Variants in KLHDC2 observed in about 807,000 individuals in gnomAD.
KLHDC2 encodes the protein kelch domain containing 2, also known as kelch domain-containing protein 2.
A neutral mutation model predicts 62.3 loss-of-function variants in KLHDC2; 38 were observed. The ratio of observed to expected loss-of-function variants is 0.61; its 90% CI spans 0.47 to 0.80. KLHDC2 has a LOEUF of 0.80. Ranked by LOEUF, KLHDC2 falls within the 30% of genes least tolerant of loss-of-function variation. The pLI, the probability that KLHDC2 is intolerant of heterozygous loss-of-function variation, is 0.00. For missense variants in KLHDC2, 430 were observed against 495.3 expected, an observed-to-expected ratio of 0.87 and a Z score of 1.25; for synonymous variants, 159 against 161.0, an observed-to-expected ratio of 0.99 and a Z score of 0.09.
intron 10 of KLHDC2, among the ~76,000 whole-genome samples, chr14:49,781,696 C>CT (rs929787973): frequency 2.6e-4 from 38 of 148,700 alleles, no homozygotes; most frequent in African/African-American, 7.7e-4. Context: ...GACTCTGTCT[C>CT]TTAAAAAAAA....
intron 10 of KLHDC2, among the ~76,000 whole-genome samples, 186 bp downstream of exon 10, chr14:49,780,961 G>A (rs1889884976): frequency 6.6e-6 from 1 of 152,338 alleles, no homozygotes; most frequent in South Asian, 2.1e-4. Context: ...ATCTGTGCAT[G>A]AAGAGTAGGG....
chr14:49,778,645 A>G (rs952682466), intron 6 of KLHDC2, 151 bp downstream of exon 6: 24 of 569,502 alleles, frequency 4.2e-5, no homozygotes, highest in African/African-American at 1.5e-4. Context: ...AACTTTAATG[A>G]TTTCCAAGGA....
chr14:49,768,563 G>A lies in KLHDC2; in HGVS notation c.95G>A (p.Arg32His). The A allele has an allele frequency of 6.2e-7, 1 of 1,607,480 alleles. No individual in the cohort carries two copies. The highest frequency in any genetic ancestry group is 8.5e-7 in the Non-Finnish European group (1 of 1,177,684). ...ESMELACPAERSGHVAVSDGR... is the reference protein window; with the variant it reads ...ESMELACPAEHSGHVAVSDGR... Reference sequence around the variant, plus strand: ...ATGGAGCTTGCCTGCCCCGCTGAGCGCAGCGGCCACGTAGCCGTCAGCGAC... The same window carrying A: ...ATGGAGCTTGCCTGCCCCGCTGAGCACAGCGGCCACGTAGCCGTCAGCGAC... Residue 32 changes from arginine to histidine, a missense_variant, in exon 1 of 13, where the codon CGC (arginine) becomes CAC (histidine). Coordinates refer to ENST00000298307, the MANE Select transcript of KLHDC2 (RefSeq NM_014315.3).
chr14:49,780,633 A>C (rs952477072), intron 9 of KLHDC2, 70 bp from the exon 10 acceptor site: 10 of 1,053,136 alleles, frequency 9.5e-6, no homozygotes, highest in Middle Eastern at 2.0e-4. Context: ...CTTTCTTGCC[A>C]AAGCTGTGCC....
intron 9 of KLHDC2, 102 bp from the exon 10 acceptor site, chr14:49,780,601 G>A (rs541920131): frequency 1.2e-6 from 1 of 849,032 alleles, no homozygotes; most frequent in Non-Finnish European, 2.0e-6. Flanking sequence ...TATACTCTCT[G>A]TATCTGCTCA....
Position 49,768,402 on chromosome 14 carries a change from T to C in KLHDC2, c.-67T>C. On this transcript the variant is annotated 5_prime_UTR_variant, in exon 1 of 13. Transcript: ENST00000298307. ...CTCGCGCCGCTGTGCATTTCTCTCCTTTTCCTTTGTTTTTTTGGCCCCTCG... is the reference window on the plus strand; with the variant it reads ...CTCGCGCCGCTGTGCATTTCTCTCCCTTTCCTTTGTTTTTTTGGCCCCTCG... 6.5e-7 allele frequency: 1 copy of C among 1,543,620 alleles called. No homozygotes were observed.
chr14:49,786,107 T>C lies in KLHDC2; in HGVS notation c.*3154T>C, dbSNP rs1890167175. ...CTAGAGATAGTTTTCGTTGACACGA[T>C]GAGGGGTGAGAAGGAATAGGTAGGG... is the stretch of plus-strand genomic sequence containing the variant. On this transcript the variant is annotated 3_prime_UTR_variant, in exon 13 of 13. Transcript: ENST00000298307. 6.5e-6 allele frequency: 1 copy of C among 152,816 alleles called. No homozygotes were observed. The highest frequency in any genetic ancestry group is 2.1e-4 in the South Asian group (1 of 4,864). The allele number at this position is 152,816 out of a possible 1,614,324, so 9.5% of individuals were successfully genotyped here. A position where few individuals can be genotyped will look rare whatever the true frequency, so the allele number is the denominator to read the frequency against.
chr14:49,777,064 G>A (rs571100512), intron 3 of KLHDC2, among the ~76,000 whole-genome samples: 8 of 152,074 alleles, frequency 5.3e-5, no homozygotes, highest in Middle Eastern at 6.8e-3. Context: ...ATACTACTCC[G>A]CCATAAGAAG....
chr14:49,780,274 G>A lies in KLHDC2; in HGVS notation c.835G>A (p.Asp279Asn), dbSNP rs959108807. Reference protein sequence around the residue: ...SWHSLTPVSSDHLFLFGGFTT... With the variant: ...SWHSLTPVSSNHLFLFGGFTT... The stretch of plus-strand genomic sequence containing the variant: ...GCACTCACTAACACCAGTTTCTTCA[G>A]ATCATCTTTTTCTCTTTGGAGGATT... The change falls in exon 9 of 13, where the codon GAT becomes AAT. Residue 279 changes from aspartate to asparagine, a missense_variant. Asp to Asn is a conservative substitution (Grantham distance 23, BLOSUM62 1). Transcript: ENST00000298307. 6.2e-7 allele frequency: 1 copy of A among 1,613,832 alleles called. No individual in the cohort carries two copies.
intron 2 of KLHDC2, among the ~76,000 whole-genome samples, chr14:49,772,592 T>C (rs1566633219): frequency 6.6e-6 from 1 of 152,248 alleles, no homozygotes; most frequent in Admixed American, 6.5e-5. Context: ...TTCCCCATGG[T>C]GTGCTTTGTG....
intron 3 of KLHDC2, 78 bp from the exon 4 acceptor site, chr14:49,777,761 A>G (rs375582142): frequency 1.3e-6 from 1 of 787,440 alleles, no homozygotes; most frequent in East Asian, 2.5e-5. Flanking sequence ...CTCTTATCAT[A>G]AATCATAGTA....
At chr14:49,779,713 T>G in intron 7 of KLHDC2, 35 bp from the exon 8 acceptor site, 1 of 1,606,118 alleles carries the variant, frequency 6.2e-7, no homozygotes, top group Non-Finnish European at 8.5e-7. Context: ...TGCTTTTGAA[T>G]TCTTCAAAAT....
At position 49,780,030 on chromosome 14, in the gene KLHDC2, T is replaced by C. The variant is rs146812799; in HGVS notation, c.774-183T>C. ...CTCAGTGTTTGTTGAAAGGAAAAGG[T>C]CTGAAGTTGATTCTAACGTCAAAGA... On this transcript the variant is annotated intron_variant, in intron 8 of 12. Transcript: ENST00000298307. The C allele has an allele frequency of 2.0e-4, 125 of 619,052 alleles. No homozygotes were observed. The African/African-American group carries it at 2.1e-3, about 11-fold the overall frequency. The allele number at this position is 619,052 out of a possible 1,614,324, so 38.3% of individuals were successfully genotyped here.
chr14:49,779,963 G>GT, intron 8 of KLHDC2, 157 bp downstream of exon 8: 1 of 644,022 alleles, frequency 1.6e-6, no homozygotes, highest in South Asian at 2.0e-5. Context: ...TTATTTTTGT[G>GT]TTTCCAGTTC....
In KLHDC2 at chr14:49,778,155, T is replaced by C. The variant is rs367553581; in HGVS notation, c.468-23T>C. Reference sequence around the variant, plus strand: ...ATCCTATGGGTATTTGAATTTTTAGTGTCTTGGTTTTTCATCCAACAGGTT... The same window carrying C: ...ATCCTATGGGTATTTGAATTTTTAGCGTCTTGGTTTTTCATCCAACAGGTT... On this transcript the variant is annotated intron_variant, in intron 4 of 12. Coordinates refer to ENST00000298307, the MANE Select transcript of KLHDC2 (RefSeq NM_014315.3). 46 of 1,482,766 alleles carry C rather than the reference T, an allele frequency of 3.1e-5. No homozygotes were observed. In the South Asian group the frequency reaches 3.5e-4, roughly 11 times the overall value. The allele number at this position is 1,482,766 out of a possible 1,614,324, so 91.9% of individuals were successfully genotyped here. A position where few individuals can be genotyped will look rare whatever the true frequency, so the allele number is the denominator to read the frequency against.
chr14:49,781,502 G>A (rs1350694479), intron 10 of KLHDC2, among the ~76,000 whole-genome samples: 3 of 152,100 alleles, frequency 2.0e-5, no homozygotes, highest in Admixed American at 6.6e-5. Context: ...GCTGAGGCAG[G>A]CAGAGTGCTT....
Position 49,768,304 on chromosome 14 carries a change from G to A in KLHDC2, c.-165G>A. The A allele has an allele frequency of 1.4e-6, 1 of 717,916 alleles. No homozygotes were observed. The highest frequency in any genetic ancestry group is 2.2e-6 in the Non-Finnish European group (1 of 462,086). The allele number at this position is 717,916 out of a possible 1,614,324, so 44.5% of individuals were successfully genotyped here. On this transcript the variant is annotated 5_prime_UTR_variant, in exon 1 of 13. Coordinates refer to ENST00000298307, the MANE Select transcript of KLHDC2 (RefSeq NM_014315.3). ...CGGCGGAGAGCCGTCCTCGGCCGAG[G>A]AGGCTGGGAAACGCGAGCGCAGGCG...
chr14:49,779,775 C>T lies in KLHDC2; in HGVS notation c.742C>T (p.Leu248Phe). The T allele has an allele frequency of 6.2e-7, 1 of 1,609,662 alleles. No homozygotes were observed. Among genetic ancestry groups the T allele is most frequent in the Non-Finnish European group, 8.5e-7 (1 of 1,177,068 alleles). Reference protein sequence around the residue: ...RDARMNDLHYLNLDTWEWNEL... With the variant: ...RDARMNDLHYFNLDTWEWNEL... ...TGCTAGAATGAATGATCTTCACTAT[C>T]TTAATCTGGATACATGGGAGTGGAA... The change falls in exon 8 of 13, where the codon CTT becomes TTT. Residue 248 changes from leucine (L) to phenylalanine (F), a missense_variant. By Grantham distance (22) the Leu-to-Phe change is conservative. Coordinates refer to ENST00000298307, the MANE Select transcript of KLHDC2 (RefSeq NM_014315.3).
rs1314741959 is a variant in KLHDC2, at chr14:49,785,369, C to T, written c.*2416C>T. 2.4e-6 allele frequency: 3 copies of T among 1,271,384 alleles called. No homozygotes were observed. The highest frequency in any genetic ancestry group is 2.3e-6 in the Non-Finnish European group (2 of 870,132). The allele number at this position is 1,271,384 out of a possible 1,614,324, so 78.8% of individuals were successfully genotyped here. On this transcript the variant is annotated 3_prime_UTR_variant, in exon 13 of 13. Coordinates refer to ENST00000298307, the MANE Select transcript of KLHDC2 (RefSeq NM_014315.3). ...CAAAGGCAATTTATACCGCCCTTTA[C>T]AAAAAATGCTAAAACACTTGAATTA...
Sources: allele counts gnomAD v4.1 joint callset (sites outside exome capture counted in the v4.1 genomes callset), GRCh38; gene constraint gnomAD v4.1.1; transcripts MANE v1.5; gene names NCBI Gene and HGNC (gene_info 2026-07-23, HGNC 2026-07-21).